The following LRRFIP1 variants were observed in gnomAD, a reference collection of about 807,000 sequenced individuals.
The protein encoded by LRRFIP1 is leucine-rich repeat flightless-interacting protein 1.
In LRRFIP1, 62 loss-of-function variants were observed where a neutral mutation model predicts 104.4. The ratio of observed to expected loss-of-function variants is 0.59; its 90% CI spans 0.48 to 0.73. LRRFIP1 has a LOEUF of 0.73. Among genes scored for constraint, LRRFIP1 ranks in the 30% least tolerant of loss-of-function variants. The pLI, the probability that LRRFIP1 is intolerant of heterozygous loss-of-function variation, is 0.00. For missense variants in LRRFIP1, 796 were observed against 824.5 expected (o/e 0.97, Z 0.42); for synonymous variants, 300 against 299.0 (o/e 1.00, Z -0.03).
intron 3 of LRRFIP1, among the ~76,000 whole-genome samples, chr2:237,716,264 A>G (rs914958938): frequency 2.6e-5 from 4 of 152,238 alleles, no homozygotes; most frequent in Non-Finnish European, 4.4e-5. Context: ...AAGCTGATGC[A>G]TTTCCCTGAC....
intron 2 of LRRFIP1, 106 bp from the exon 3 acceptor site, chr2:237,714,153 T>C: frequency 1.4e-6 from 1 of 693,540 alleles, no homozygotes; most frequent in South Asian, 2.1e-5. Flanking sequence ...CTGTATTCGT[T>C]GTGACTTGAT....
intron 11 of LRRFIP1, among the ~76,000 whole-genome samples, chr2:237,740,433 C>T (rs1398488374): frequency 6.6e-6 from 1 of 151,890 alleles, no homozygotes; most frequent in African/African-American, 2.4e-5. Flanking sequence ...AAAACAAAAA[C>T]AAAAACTTCT....
chr2:237,743,682 G>A (rs2057416089), intron 11 of LRRFIP1, among the ~76,000 whole-genome samples: 1 of 152,052 alleles, frequency 6.6e-6, no homozygotes, highest in African/African-American at 2.4e-5. Context: ...ACTTGCCCCA[G>A]CCCTCATGGG....
At chr2:237,762,935 T>C (rs141295250) in intron 19 of LRRFIP1, 15 of 1,614,058 alleles carry the variant, frequency 9.3e-6, no homozygotes, top group Non-Finnish European at 1.1e-5. Context: ...CCTTGAGCCA[T>C]CCAACTGTTG....
intron 19 of LRRFIP1, chr2:237,763,637 G>A (rs773772194): frequency 5.0e-6 from 8 of 1,614,066 alleles, no homozygotes; most frequent in Non-Finnish European, 6.8e-6. Flanking sequence ...CAGTGAAAAT[G>A]TTGATTGTCC....
At chr2:237,728,654 G>A (rs79894976) in intron 8 of LRRFIP1, among the ~76,000 whole-genome samples, 1,878 of 152,210 alleles carry the variant, frequency 0.012, 24 homozygotes, top group African/African-American at 0.042. Context: ...GTGTGAAATG[G>A]TCTAAAAATT....
chr2:237,774,420 A>G lies in LRRFIP1; in HGVS notation c.1770A>G (p.Ile590Met). 3.7e-6 allele frequency: 6 copies of G among 1,613,908 alleles called. No homozygotes were observed. Among genetic ancestry groups the G allele is most frequent in the Non-Finnish European group, 5.1e-6 (6 of 1,179,832 alleles). Reference sequence around the variant, plus strand: ...CAGCGGCTGAAAATGCAGAAAAAATAGAAGATGAACTTAAGGCAGAAAAAC... The same window carrying G: ...CAGCGGCTGAAAATGCAGAAAAAATGGAAGATGAACTTAAGGCAGAAAAAC... ...YKSAAENAEK[I>M]EDELKAEKRK... The change falls in exon 23 of 24, where the codon ATA becomes ATG. Residue 590 changes from isoleucine (I) to methionine (M), a missense_variant. Transcript: ENST00000308482.
rs1290098063 is a variant in LRRFIP1 at position 237,701,624 on chromosome 2, C to T, written c.97-6920C>T. ...TCTTTGGGTGACTGTCTTCTTATAG[C>T]TGGGAATCTCTGGGGCTCTGAGCGG... On this transcript the variant is annotated intron_variant, in intron 1 of 23. Coordinates refer to ENST00000308482, the MANE Select transcript of LRRFIP1 (RefSeq NM_001137550.2). Among the ~76,000 whole-genome samples the T allele has an allele frequency of 2.6e-5, 4 of 152,208 alleles. 1 individual carries two copies. The highest frequency in any genetic ancestry group is 2.6e-4 in the Admixed American group (4 of 15,282).
intron 1 of LRRFIP1, among the ~76,000 whole-genome samples, chr2:237,672,698 C>G (rs999257226): frequency 6.6e-6 from 1 of 152,110 alleles, no homozygotes. Context: ...ACCCTGGCAC[C>G]CGCTGTTGGT....
intron 1 of LRRFIP1, among the ~76,000 whole-genome samples, chr2:237,662,192 G>A (rs1559492546): frequency 2.0e-5 from 3 of 152,206 alleles, no homozygotes; most frequent in South Asian, 2.1e-4. Context: ...CTCTGCCTCC[G>A]TCTCCACGTG....
At chr2:237,704,958 C>T (rs1038591033) in intron 1 of LRRFIP1, among the ~76,000 whole-genome samples, 41 of 152,172 alleles carry the variant, frequency 2.7e-4, no homozygotes, top group African/African-American at 8.7e-4. Flanking sequence ...AAGTGAGGGA[C>T]AGGGTAAACC....
rs1271287595 is a variant in LRRFIP1 at position 237,685,133 on chromosome 2, A to C, written c.97-23411A>C. ...TCCCCCCCCCACACAAAAAAACCCC[A>C]AAAATCAGAAGTGGTTTTCTTAGAG... On this transcript the variant is annotated intron_variant, in intron 1 of 23. Coordinates refer to ENST00000308482, the MANE Select transcript of LRRFIP1 (RefSeq NM_001137550.2). 6.1e-5 allele frequency among the ~76,000 whole-genome samples: 9 copies of C among 147,238 alleles called. No homozygotes were observed. In the South Asian group the frequency reaches 6.6e-4, roughly 11 times the overall value.
chr2:237,750,256 C>T (rs2058411609), intron 13 of LRRFIP1, among the ~76,000 whole-genome samples: 2 of 151,854 alleles, frequency 1.3e-5, no homozygotes, highest in Admixed American at 1.3e-4. Context: ...TCCCATGTGC[C>T]ACCCCTGGGC....
rs1367278515 is a variant in LRRFIP1 at position 237,735,078 on chromosome 2, C to T, written c.490-190C>T. Among the ~76,000 whole-genome samples, 3 of 152,198 alleles carry T rather than the reference C, an allele frequency of 2.0e-5. No homozygotes were observed. Among genetic ancestry groups the T allele is most frequent in the African/African-American group, 7.2e-5 (3 of 41,454 alleles). Reference sequence around the variant, plus strand: ...TCCTGACAACGACTAAAACCGGTCTCTCCTCATTTCCTTGTCGCACTCTGC... The same window carrying T: ...TCCTGACAACGACTAAAACCGGTCTTTCCTCATTTCCTTGTCGCACTCTGC... On this transcript the variant is annotated intron_variant, in intron 9 of 23. Transcript: ENST00000308482. The surrounding 1 kb of genome is among the most constrained non-coding windows in gnomAD (Gnocchi z 4.6).
rs955609527 is a variant in LRRFIP1 at position 237,781,247 on chromosome 2, G to A, written c.*1715G>A. Among the ~76,000 whole-genome samples, 1 of 152,202 alleles carries A rather than the reference G, an allele frequency of 6.6e-6. No homozygotes were observed. Among genetic ancestry groups the A allele is most frequent in the East Asian group, 1.9e-4 (1 of 5,200 alleles). On this transcript the variant is annotated 3_prime_UTR_variant, in exon 24 of 24. Coordinates refer to ENST00000308482, the MANE Select transcript of LRRFIP1 (RefSeq NM_001137550.2). The stretch of plus-strand genomic sequence containing the variant: ...AAACACTCACACATCACGCAGACAC[G>A]GCCGGCAGCATGCTGACGCTTTTAG...
chr2:237,660,683 C>A (rs1432439992), intron 1 of LRRFIP1, among the ~76,000 whole-genome samples: 1 of 152,176 alleles, frequency 6.6e-6, no homozygotes, highest in Non-Finnish European at 1.5e-5. Flanking sequence ...AATTTGTCTG[C>A]CATAAAGGAC....
At chr2:237,778,833 T>A (rs1449070081) in intron 23 of LRRFIP1, among the ~76,000 whole-genome samples, 2 of 151,946 alleles carry the variant, frequency 1.3e-5, no homozygotes, top group Non-Finnish European at 2.9e-5. Context: ...AAGAGAATTG[T>A]TTGAACCCAG....
intron 8 of LRRFIP1, among the ~76,000 whole-genome samples, chr2:237,733,300 T>A (rs578227520): frequency 6.6e-6 from 1 of 152,334 alleles, no homozygotes; most frequent in South Asian, 2.1e-4. Context: ...AGTGACTCCC[T>A]TTGTGTCTTG....
intron 20 of LRRFIP1, 140 bp downstream of exon 20, chr2:237,770,132 G>A (rs1315672128): frequency 6.0e-6 from 4 of 666,976 alleles, no homozygotes; most frequent in Non-Finnish European, 1.1e-5. Context: ...GTGTTCTTAA[G>A]ATTGCTATCC....
Sources: gnomAD v4.1 joint callset for allele counts (sites outside exome capture counted in the v4.1 genomes callset) on GRCh38, gnomAD v4.1.1 for gene constraint, Gnocchi (gnomAD v3.1) non-coding constraint, MANE v1.5 for transcripts, NCBI Gene and HGNC (gene_info 2026-07-23, HGNC 2026-07-21) for gene names.